The following RYR2 variants were observed in gnomAD, a reference collection of about 807,000 sequenced individuals.
RYR2 encodes cardiac muscle ryanodine receptor-calcium release channel.
A neutral mutation model predicts 601.1 loss-of-function variants in RYR2; 227 were observed. The observed-to-expected ratio is 0.38, with a 90% CI of 0.34 to 0.42. The LOEUF is 0.42. Ranked by LOEUF, RYR2 falls within the 10% of genes least tolerant of loss-of-function variation. RYR2 has a pLI of 1.00. For synonymous variants in RYR2, 2,223 were observed against 2,175.1 expected, an observed-to-expected ratio of 1.02 and a Z score of -0.61; for missense variants, 4,646 against 6,156.5, an observed-to-expected ratio of 0.75 and a Z score of 8.21.
chr1:237,411,530 A>G (rs572870503), intron 10 of RYR2, among the ~76,000 whole-genome samples: 1 of 152,288 alleles, frequency 6.6e-6, no homozygotes, highest in South Asian at 2.1e-4. Flanking sequence ...AGGATTGAAT[A>G]TAAATTATGA....
intron 1 of RYR2, among the ~76,000 whole-genome samples, chr1:237,194,147 C>T (rs1215137910): frequency 6.6e-6 from 1 of 152,130 alleles, no homozygotes; most frequent in Non-Finnish European, 1.5e-5. Context: ...TTGACCTTGA[C>T]ATAGTTGCTG....
At chr1:237,609,569 G>A (rs1434187907) in intron 35 of RYR2, among the ~76,000 whole-genome samples, 1 of 151,720 alleles carries the variant, frequency 6.6e-6, no homozygotes, top group Non-Finnish European at 1.5e-5. Context: ...TTTTAGCAGT[G>A]GGCCAGGCTG....
intron 16 of RYR2, among the ~76,000 whole-genome samples, chr1:237,465,879 T>C (rs1238244073): frequency 6.6e-6 from 1 of 152,254 alleles, no homozygotes; most frequent in African/African-American, 2.4e-5. Flanking sequence ...TATAGTCTTA[T>C]GGTCTTAAGG....
intron 4 of RYR2, among the ~76,000 whole-genome samples, chr1:237,363,947 TA>T (rs1699993605): frequency 6.6e-6 from 1 of 152,186 alleles, no homozygotes; most frequent in Non-Finnish European, 1.5e-5. Context: ...CTGTTTTTAT[TA>T]AAATGAGTTG....
chr1:237,373,530 T>C (rs1378454600), intron 6 of RYR2, among the ~76,000 whole-genome samples: 1 of 152,232 alleles, frequency 6.6e-6, no homozygotes, highest in African/African-American at 2.4e-5. Context: ...GTGATGGTAG[T>C]GTACTTCGAG....
chr1:237,216,254 T>G (rs1197342322), intron 1 of RYR2, among the ~76,000 whole-genome samples: 1 of 152,218 alleles, frequency 6.6e-6, no homozygotes. Flanking sequence ...ATGAATTCAG[T>G]CTTTTCAACC....
chr1:237,406,466 TAGAA>T (rs1279385974), intron 10 of RYR2, among the ~76,000 whole-genome samples: 1 of 151,808 alleles, frequency 6.6e-6, no homozygotes, highest in African/African-American at 2.4e-5. Context: ...TACGAAAGAA[TAGAA>T]AGATAATAGT....
At position 237,654,340 on chromosome 1, in the gene RYR2, G is replaced by T. The variant is rs755997975; in HGVS notation, c.7891G>T (p.Gly2631Cys). 6.2e-7 allele frequency: 1 copy of T among 1,613,918 alleles called. No homozygotes were observed. Among genetic ancestry groups the T allele is most frequent in the Non-Finnish European group, 8.5e-7 (1 of 1,179,856 alleles). ...CCTGCCTGGAGGGTGGGGAAACTTT[G>T]GTGCTGCCTCAGAAGAAGAACTTCA... The part of the protein sequence containing the change: ...YCLPGGWGNF[G>C]AASEEELHLS... Residue 2631 changes from glycine to cysteine, a missense_variant, in exon 52 of 105, where the codon GGT (glycine) becomes TGT (cysteine). Gly to Cys is a radical substitution (Grantham distance 159). Coordinates refer to ENST00000366574, the MANE Select transcript of RYR2 (RefSeq NM_001035.3).
intron 16 of RYR2, among the ~76,000 whole-genome samples, chr1:237,467,375 A>G (rs902990205): frequency 1.3e-5 from 2 of 152,068 alleles, no homozygotes; most frequent in Non-Finnish European, 2.9e-5. Flanking sequence ...CCCAGTTGCT[A>G]TTGTTCTAAA....
chr1:237,048,723 G>A (rs12035538), intron 1 of RYR2, among the ~76,000 whole-genome samples: 1 of 152,128 alleles, frequency 6.6e-6, no homozygotes, highest in Non-Finnish European at 1.5e-5. Flanking sequence ...GTCAGAGAAT[G>A]CTCTGACCCT....
intron 10 of RYR2, among the ~76,000 whole-genome samples, chr1:237,404,735 T>C (rs1218778176): frequency 1.3e-5 from 2 of 152,212 alleles, no homozygotes; most frequent in Non-Finnish European, 2.9e-5. Flanking sequence ...GACTTTACGT[T>C]AATTGAAAGG....
At chr1:237,580,123 C>T (rs1314018984) in intron 29 of RYR2, among the ~76,000 whole-genome samples, 3 of 150,358 alleles carry the variant, frequency 2.0e-5, no homozygotes, top group Non-Finnish European at 4.4e-5. Flanking sequence ...TTCTGCTTGG[C>T]TCCTCCAGAG....
chr1:237,831,854 A>T (rs1663828259), intron 104 of RYR2, among the ~76,000 whole-genome samples: 1 of 56,406 alleles, frequency 1.8e-5, no homozygotes, highest in Non-Finnish European at 2.9e-5. Flanking sequence ...TAATTATTGC[A>T]TAATGTCTTT....
chr1:237,661,906 T>G (rs1023716304), intron 56 of RYR2, among the ~76,000 whole-genome samples: 73 of 152,180 alleles, frequency 4.8e-4, no homozygotes, highest in African/African-American at 1.6e-3. Context: ...CCCGTTAACA[T>G]TTAGTCACGA....
At chr1:237,746,261 A>T (rs1287894793) in intron 80 of RYR2, among the ~76,000 whole-genome samples, 1 of 152,194 alleles carries the variant, frequency 6.6e-6, no homozygotes, top group Admixed American at 6.5e-5. Context: ...AATAATTCTT[A>T]TAACACATTA....
chr1:237,594,885 G>A (rs995644302), intron 33 of RYR2, among the ~76,000 whole-genome samples: 23 of 79,058 alleles, frequency 2.9e-4, no homozygotes, highest in African/African-American at 1.7e-3. Flanking sequence ...AATATCACTG[G>A]GTTTTTTTTT....
chr1:237,769,614 G>A (rs1365809008), intron 84 of RYR2, among the ~76,000 whole-genome samples: 1 of 151,908 alleles, frequency 6.6e-6, no homozygotes, highest in East Asian at 1.9e-4. Context: ...CACAGACTGC[G>A]GACTGGTAAG....
intron 1 of RYR2, among the ~76,000 whole-genome samples, chr1:237,192,737 A>G (rs1572156011): frequency 1.3e-5 from 2 of 152,218 alleles, no homozygotes; most frequent in African/African-American, 4.8e-5. Context: ...TAGAACAGAG[A>G]TACGTAACTT....
In RYR2 at chr1:237,769,774, A is replaced by C. The variant is rs546278362; in HGVS notation, c.11477-1033A>C. 2.1e-5 allele frequency among the ~76,000 whole-genome samples: 3 copies of C among 140,548 alleles called. No individual in the cohort carries two copies. The South Asian group carries it at 6.7e-4, about 32-fold the overall frequency. 92.2% of individuals were successfully genotyped at this position (140,548 alleles called of 152,430 possible). On this transcript the variant is annotated intron_variant, in intron 84 of 104. Coordinates refer to ENST00000366574, the MANE Select transcript of RYR2 (RefSeq NM_001035.3). ...TTTTTTTTAATATGTAAGTCCATTCATTCACTGGCTTTTTTGTCATTTTGC... is the reference window on the plus strand; with the variant it reads ...TTTTTTTTAATATGTAAGTCCATTCCTTCACTGGCTTTTTTGTCATTTTGC...
Sources: allele counts gnomAD v4.1 joint callset (sites outside exome capture counted in the v4.1 genomes callset), GRCh38; gene constraint gnomAD v4.1.1; transcripts MANE v1.5; gene names NCBI Gene and HGNC (gene_info 2026-07-23, HGNC 2026-07-21).